The following SLC2A13 variants were observed in gnomAD, a reference collection of about 807,000 sequenced individuals.
The protein encoded by SLC2A13 is proton myo-inositol cotransporter.
Under a neutral mutation model 64.4 loss-of-function variants are expected in SLC2A13, and 32 were observed. The observed-to-expected ratio is 0.50, with a 90% CI of 0.37 to 0.67. The LOEUF is 0.67. SLC2A13 is among the 30% of genes least tolerant of loss of function. The pLI is 0.00. For synonymous variants in SLC2A13, 338 were observed against 327.1 expected, an observed-to-expected ratio of 1.03 and a Z score of -0.36; for missense variants, 743 against 829.2, an observed-to-expected ratio of 0.90 and a Z score of 1.28.
chr12:40,004,558 C>A (rs1012853688), intron 3 of SLC2A13, among the ~76,000 whole-genome samples: 1 of 151,864 alleles, frequency 6.6e-6, no homozygotes, highest in Non-Finnish European at 1.5e-5. Context: ...AATCAAGCCC[C>A]CATGGATACC....
chr12:40,097,637 A>G (rs1040343138), intron 1 of SLC2A13, among the ~76,000 whole-genome samples: 3 of 152,194 alleles, frequency 2.0e-5, no homozygotes, highest in African/African-American at 7.2e-5. Context: ...AAAATGTTCC[A>G]CATCACTAAT....
chr12:39,802,023 T>A (rs1285101476), intron 7 of SLC2A13, among the ~76,000 whole-genome samples: 2 of 152,144 alleles, frequency 1.3e-5, no homozygotes, highest in African/African-American at 4.8e-5. Flanking sequence ...TTTCACATAG[T>A]GACAATTGTC....
chr12:39,785,090 C>G (rs983023751), intron 7 of SLC2A13, among the ~76,000 whole-genome samples: 3 of 152,166 alleles, frequency 2.0e-5, no homozygotes, highest in Non-Finnish European at 2.9e-5. Context: ...CAGAAATTTG[C>G]ATAAGTAGCA....
intron 2 of SLC2A13, among the ~76,000 whole-genome samples, chr12:40,041,088 G>A (rs1223931103): frequency 6.6e-6 from 1 of 152,056 alleles, no homozygotes; most frequent in Admixed American, 6.6e-5. Flanking sequence ...GAGTAACTGG[G>A]ATTACAGGCG....
chr12:40,080,670 G>T (rs535235121), intron 1 of SLC2A13, among the ~76,000 whole-genome samples: 1 of 152,266 alleles, frequency 6.6e-6, no homozygotes, highest in South Asian at 2.1e-4. Flanking sequence ...GGGATTACAG[G>T]CATAAGCCAC....
chr12:40,032,934 T>A (rs996588971), intron 2 of SLC2A13, among the ~76,000 whole-genome samples: 2 of 152,164 alleles, frequency 1.3e-5, no homozygotes, highest in Admixed American at 1.3e-4. Context: ...TATGTGAAAA[T>A]CTAGTTGAAT....
chr12:39,802,555 A>G (rs1941830242), intron 7 of SLC2A13, among the ~76,000 whole-genome samples: 1 of 152,192 alleles, frequency 6.6e-6, no homozygotes, highest in Non-Finnish European at 1.5e-5. Flanking sequence ...AAGCAGAGAT[A>G]CCCACCCACT....
intron 2 of SLC2A13, among the ~76,000 whole-genome samples, chr12:40,040,880 A>C (rs924742586): frequency 4.6e-5 from 7 of 152,170 alleles, no homozygotes; most frequent in Admixed American, 2.0e-4. Flanking sequence ...CTCCAGCATA[A>C]AGTTGTTTAG....
intron 4 of SLC2A13, among the ~76,000 whole-genome samples, chr12:39,889,927 T>G (rs892471436): frequency 6.6e-6 from 1 of 152,172 alleles, no homozygotes; most frequent in Non-Finnish European, 1.5e-5. Context: ...TAAATATAAT[T>G]CTTTGTATCT....
At chr12:39,995,599 C>T (rs563157232) in intron 3 of SLC2A13, among the ~76,000 whole-genome samples, 2 of 152,306 alleles carry the variant, frequency 1.3e-5, no homozygotes, top group Non-Finnish European at 2.9e-5. Flanking sequence ...AGTAGGCATA[C>T]AAATGCACTA....
At chr12:40,063,146 T>G (rs896895808) in intron 1 of SLC2A13, among the ~76,000 whole-genome samples, 9 of 152,112 alleles carry the variant, frequency 5.9e-5, no homozygotes, top group African/African-American at 2.2e-4. Flanking sequence ...CATTAATGCC[T>G]CCAATCAACT....
intron 7 of SLC2A13, among the ~76,000 whole-genome samples, chr12:39,821,661 T>C (rs924476665): frequency 6.6e-6 from 1 of 152,158 alleles, no homozygotes; most frequent in African/African-American, 2.4e-5. Flanking sequence ...TGGTGAACTA[T>C]ACCGAAGAGG....
intron 3 of SLC2A13, among the ~76,000 whole-genome samples, chr12:39,987,833 A>T (rs1947056426): frequency 6.6e-6 from 1 of 152,108 alleles, no homozygotes; most frequent in African/African-American, 2.4e-5. Context: ...TTATTCTATC[A>T]AAATAATTTT....
chr12:39,911,871 A>AG (rs2136041862), intron 4 of SLC2A13, among the ~76,000 whole-genome samples: 1 of 152,226 alleles, frequency 6.6e-6, no homozygotes, highest in African/African-American at 2.4e-5. Context: ...AAGGTGAGCA[A>AG]GACACATTGC....
chr12:40,105,391 C>A lies in SLC2A13; in HGVS notation c.418G>T (p.Ala140Ser). Reference protein sequence around the residue: ...AAAVSALAGGALNGVFGRRAA... With the variant: ...AAAVSALAGGSLNGVFGRRAA... ...CGGCGGCCGAAGACGCCGTTGAGGGCGCCTCCGGCCAGCGCCGAGACGGCA... is the reference window on the plus strand; with the variant it reads ...CGGCGGCCGAAGACGCCGTTGAGGGAGCCTCCGGCCAGCGCCGAGACGGCA... Residue 140 changes from alanine (A) to serine (S), a missense_variant, in exon 1 of 10, where the codon GCC becomes TCC. Around this residue, in one of 2 missense-constraint regions of SLC2A13, gnomAD observed 448 missense variants for 447.4 expected, o/e 1.00. Transcript: ENST00000280871. This position sits in a 1 kb window ranked among gnomAD's most constrained non-coding sequence, Gnocchi z 4.2. The A allele has an allele frequency of 4.5e-6, 7 of 1,558,268 alleles. No individual in the cohort carries two copies. The highest frequency in any genetic ancestry group is 6.1e-6 in the Non-Finnish European group (7 of 1,152,544).
At chr12:40,094,201 C>T (rs1938861028) in intron 1 of SLC2A13, among the ~76,000 whole-genome samples, 2 of 152,164 alleles carry the variant, frequency 1.3e-5, no homozygotes, top group Admixed American at 1.3e-4. Context: ...AATGCTCTGA[C>T]CTGCTAAGCA....
chr12:40,089,618 G>A (rs916391673), intron 1 of SLC2A13, among the ~76,000 whole-genome samples: 3 of 152,100 alleles, frequency 2.0e-5, no homozygotes, highest in East Asian at 1.9e-4. Flanking sequence ...TACACTGACC[G>A]CCTCCCTGTA....
chr12:40,041,379 A>G (rs889263801), intron 2 of SLC2A13, among the ~76,000 whole-genome samples: 1 of 152,140 alleles, frequency 6.6e-6, no homozygotes, highest in Non-Finnish European at 1.5e-5. Context: ...AGGGCCTTTG[A>G]AGATTACATT....
At chr12:39,955,869 C>T (rs189437090) in intron 3 of SLC2A13, among the ~76,000 whole-genome samples, 8 of 152,246 alleles carry the variant, frequency 5.3e-5, no homozygotes, top group Admixed American at 1.3e-4. Context: ...TTGTCCTCTA[C>T]GGACTCTGGA....
Sources: gnomAD v4.1 joint callset for allele counts (sites outside exome capture counted in the v4.1 genomes callset) on GRCh38, gnomAD v4.1.1 for gene constraint, gnomAD v4.1.1 regional missense constraint, Gnocchi (gnomAD v3.1) non-coding constraint, MANE v1.5 for transcripts, NCBI Gene and HGNC (gene_info 2026-07-23, HGNC 2026-07-21) for gene names.